ADGRA3: variants seen among roughly 807,000 people sequenced by gnomAD.
The protein encoded by ADGRA3 is adhesion G protein-coupled receptor A3.
A neutral mutation model predicts 119.8 loss-of-function variants in ADGRA3; 56 were observed. The ratio of observed to expected loss-of-function variants is 0.47; its 90% CI spans 0.38 to 0.58. ADGRA3 has a LOEUF of 0.58. ADGRA3 is among the 20% of genes least tolerant of loss of function. The pLI is 0.00. For missense variants in ADGRA3, 1,516 were observed against 1,649.0 expected, an observed-to-expected ratio of 0.92 and a Z score of 1.40; for synonymous variants, 607 against 623.8, an observed-to-expected ratio of 0.97 and a Z score of 0.40.
intron 8 of ADGRA3, among the ~76,000 whole-genome samples, chr4:22,437,985 C>T (rs1435970383): frequency 6.6e-6 from 1 of 152,132 alleles, no homozygotes; most frequent in Non-Finnish European, 1.5e-5. Flanking sequence ...CCAATGTTTC[C>T]CTAAGGCAAT....
chr4:22,453,533 C>A (rs1168572017), intron 4 of ADGRA3, among the ~76,000 whole-genome samples: 1 of 152,114 alleles, frequency 6.6e-6, no homozygotes, highest in African/African-American at 2.4e-5. Context: ...TCATTTAAGC[C>A]CCTAATTGGT....
chr4:22,453,834 C>A (rs1428668425), intron 4 of ADGRA3, among the ~76,000 whole-genome samples: 1 of 152,156 alleles, frequency 6.6e-6, no homozygotes, highest in East Asian at 1.9e-4. Flanking sequence ...TACTCCCAAA[C>A]AAAACTTCTT....
intron 1 of ADGRA3, among the ~76,000 whole-genome samples, chr4:22,486,054 G>T (rs770655586): frequency 6.6e-6 from 1 of 152,306 alleles, no homozygotes; most frequent in East Asian, 1.9e-4. Flanking sequence ...CTATTGGGTT[G>T]TAAGTTCCTA....
At chr4:22,514,743 A>T (rs567419946) in intron 1 of ADGRA3, among the ~76,000 whole-genome samples, 2 of 152,212 alleles carry the variant, frequency 1.3e-5, no homozygotes, top group Non-Finnish European at 2.9e-5. Context: ...GTTCAGCTAG[A>T]ATTGGCAAAA....
At position 22,413,817 on chromosome 4, in the gene ADGRA3, G is replaced by GA. The variant is rs756865767; in HGVS notation, c.1810-4dup. 9 of 1,585,872 alleles carry GA rather than the reference G, an allele frequency of 5.7e-6. No individual in the cohort carries two copies. The highest frequency in any genetic ancestry group is 7.7e-6 in the Non-Finnish European group (9 of 1,166,490). On this transcript the variant is annotated splice_region_variant and splice_polypyrimidine_tract_variant and intron_variant, in intron 12 of 18. Coordinates refer to ENST00000334304, the MANE Select transcript of ADGRA3 (RefSeq NM_145290.4). ...ATAGAAGCCTCCACAATAGTATTCTGAAAAAATATATATACATAAAAAAAG... is the reference window on the plus strand; with the variant it reads ...ATAGAAGCCTCCACAATAGTATTCTGAAAAAAATATATATACATAAAAAAAG...
intron 16 of ADGRA3, among the ~76,000 whole-genome samples, chr4:22,398,998 G>C (rs1714494290): frequency 6.6e-6 from 1 of 152,174 alleles, no homozygotes; most frequent in South Asian, 2.1e-4. Context: ...CTATGTAAAA[G>C]GATCCTGTGG....
intron 16 of ADGRA3, among the ~76,000 whole-genome samples, chr4:22,397,441 A>G (rs1714410274): frequency 6.6e-6 from 1 of 152,030 alleles, no homozygotes; most frequent in Non-Finnish European, 1.5e-5. Context: ...CAGCCTCCCA[A>G]AGTTCAACTA....
chr4:22,507,424 T>G (rs1719281217), intron 1 of ADGRA3, among the ~76,000 whole-genome samples: 1 of 152,196 alleles, frequency 6.6e-6, no homozygotes, highest in Non-Finnish European at 1.5e-5. Context: ...AATAAGTCAC[T>G]GAATAGTCTT....
chr4:22,420,593 A>T, intron 12 of ADGRA3: 4 of 449,356 alleles, frequency 8.9e-6, no homozygotes, highest in Non-Finnish European at 1.6e-5. Flanking sequence ...GTCAAATAAG[A>T]TTTTTTCACA....
rs1368115045 is a variant in ADGRA3, at chr4:22,515,552, G to A, written c.233C>T (p.Thr78Ile). The change falls in exon 1 of 19, where the codon ACT (threonine) becomes ATT (isoleucine). Residue 78 changes from threonine (T) to isoleucine (I), a missense_variant. This residue lies in a region of ADGRA3 where 428 missense variants were observed against 541.9 expected (regional missense o/e 0.79). Coordinates refer to ENST00000334304, the MANE Select transcript of ADGRA3 (RefSeq NM_145290.4). The part of the protein sequence containing the change: ...LELAQVLPPD[T>I]LPNRTVTLIL... ...CAGGGTGACCGTGCGGTTGGGCAGA[G>A]TATCTGGGGGCAGGACCTGCGCGAG... The A allele has an allele frequency of 6.2e-7, 1 of 1,602,980 alleles. No individual in the cohort carries two copies. Among genetic ancestry groups the A allele is most frequent in the Non-Finnish European group, 8.5e-7 (1 of 1,173,562 alleles).
chr4:22,448,332 A>T (rs1716904432), intron 4 of ADGRA3, among the ~76,000 whole-genome samples: 1 of 152,152 alleles, frequency 6.6e-6, no homozygotes, highest in Non-Finnish European at 1.5e-5. Flanking sequence ...ACTTCAGGGG[A>T]CTTCTAATGC....
intron 16 of ADGRA3, among the ~76,000 whole-genome samples, chr4:22,396,283 A>G (rs1192464482): frequency 6.6e-6 from 1 of 152,216 alleles, no homozygotes; most frequent in African/African-American, 2.4e-5. Context: ...CCTGGCTGGT[A>G]GCACCTTTAA....
chr4:22,470,554 G>A (rs1402754253), intron 2 of ADGRA3, among the ~76,000 whole-genome samples: 1 of 152,094 alleles, frequency 6.6e-6, no homozygotes, highest in Admixed American at 6.5e-5. Context: ...TTGAAATTCT[G>A]ACCTTGGTGT....
chr4:22,399,495 CT>C lies in ADGRA3; in HGVS notation c.2481+1935del, dbSNP rs35859289. Among the ~76,000 whole-genome samples the C allele has an allele frequency of 2.0e-4, 27 of 136,048 alleles. No individual in the cohort carries two copies. In the South Asian group the frequency reaches 2.2e-3, roughly 11 times the overall value. 89.3% of individuals were successfully genotyped at this position (136,048 alleles called of 152,430 possible). ...AAGTCTTTAAACCACCTAGAGTTGA[CT>C]TTTTTTTTTAATGTGGCATGAGGCA... On this transcript the variant is annotated intron_variant, in intron 16 of 18. Coordinates refer to ENST00000334304, the MANE Select transcript of ADGRA3 (RefSeq NM_145290.4).
chr4:22,402,311 G>A (rs890527101), intron 15 of ADGRA3, among the ~76,000 whole-genome samples: 2 of 152,006 alleles, frequency 1.3e-5, no homozygotes, highest in Admixed American at 6.6e-5. Context: ...AAGAGTAATA[G>A]TACAGTCTGA....
chr4:22,414,934 G>A (rs1715371563), intron 12 of ADGRA3, among the ~76,000 whole-genome samples: 1 of 152,100 alleles, frequency 6.6e-6, no homozygotes, highest in Non-Finnish European at 1.5e-5. Context: ...GGCAGCCAGG[G>A]GGAAGACTTT....
intron 4 of ADGRA3, among the ~76,000 whole-genome samples, chr4:22,451,652 G>T (rs1717046679): frequency 6.6e-6 from 1 of 151,590 alleles, no homozygotes; most frequent in South Asian, 2.1e-4. Flanking sequence ...GCCAAGACTT[G>T]ATCAAAAATG....
rs770197170 is a variant in ADGRA3 at position 22,389,070 on chromosome 4, A to C, written c.2723+18T>G. ...AGAAACAACTGGGTCAAGTACACAGAGAATATAAAATACTCACTAGGGTGC... is the reference window on the plus strand; with the variant it reads ...AGAAACAACTGGGTCAAGTACACAGCGAATATAAAATACTCACTAGGGTGC... On this transcript the variant is annotated intron_variant, in intron 18 of 18. Transcript: ENST00000334304. 5 of 1,608,470 alleles carry C rather than the reference A, an allele frequency of 3.1e-6. No homozygotes were observed. In the Admixed American group the frequency reaches 8.4e-5, roughly 27 times the overall value.
chr4:22,447,418 AGAG>A lies in ADGRA3; in HGVS notation c.545+19_545+21del. 1 of 1,357,470 alleles carries A rather than the reference AGAG, an allele frequency of 7.4e-7. No homozygotes were observed. Among genetic ancestry groups the A allele is most frequent in the Non-Finnish European group, 1.0e-6 (1 of 989,980 alleles). 84.1% of individuals were successfully genotyped at this position (1,357,470 alleles called of 1,614,324 possible). A position where few individuals can be genotyped will look rare whatever the true frequency, so the allele number is the denominator to read the frequency against. ...AGACATGAAAATCAAAAAAAAAAAG[AGAG>A]AAAAAAATTCTTACTTACAAAGACC... is the stretch of plus-strand genomic sequence containing the variant. On this transcript the variant is annotated intron_variant, in intron 5 of 18. Coordinates refer to ENST00000334304, the MANE Select transcript of ADGRA3 (RefSeq NM_145290.4).
Sources: allele counts gnomAD v4.1 joint callset (sites outside exome capture counted in the v4.1 genomes callset), GRCh38; gene constraint gnomAD v4.1.1; regional missense constraint gnomAD v4.1.1; transcripts MANE v1.5; gene names NCBI Gene and HGNC (gene_info 2026-07-23, HGNC 2026-07-21).